Variants in PPP2CB observed in about 807,000 individuals in gnomAD.
PPP2CB encodes the protein protein phosphatase 2 catalytic subunit beta.
PPP2CB carries 18 observed loss-of-function variants against 39.1 expected under a neutral mutation model. That is an observed-to-expected ratio of 0.46 (90% confidence interval 0.32 to 0.68). The LOEUF (loss-of-function observed/expected upper bound fraction) is 0.68. Among genes scored for constraint, PPP2CB ranks in the 30% least tolerant of loss-of-function variants. The probability of loss-of-function intolerance (pLI) is 0.04; values close to 1 mark genes in which losing one functional copy is unlikely to be tolerated. For missense variants in PPP2CB, 226 were observed against 396.9 expected, an observed-to-expected ratio of 0.57 and a Z score of 3.66; for synonymous variants, 129 against 133.8, an observed-to-expected ratio of 0.96 and a Z score of 0.25.
intron 5 of PPP2CB, chr8:30,793,682 AG>A: frequency 2.5e-6 from 1 of 399,780 alleles, no homozygotes; most frequent in Non-Finnish European, 4.5e-6. Flanking sequence ...TGAAGCATAC[AG>A]GGAATTATGG....
At chr8:30,796,263 G>A (rs1806523931) in intron 3 of PPP2CB, among the ~76,000 whole-genome samples, 1 of 152,102 alleles carries the variant, frequency 6.6e-6, no homozygotes, top group Non-Finnish European at 1.5e-5. Context: ...GATTACACAG[G>A]GAAAGTTATA....
At position 30,799,456 on chromosome 8, in the gene PPP2CB, G is replaced by C. The variant is rs1806581994; in HGVS notation, c.312+90C>G. 6.6e-6 allele frequency: 7 copies of C among 1,068,558 alleles called. No homozygotes were observed. The South Asian group carries it at 1.0e-4, about 16-fold the overall frequency. 66.2% of individuals were successfully genotyped at this position (1,068,558 alleles called of 1,614,324 possible). On this transcript the variant is annotated intron_variant, in intron 2 of 6. Coordinates refer to ENST00000221138, the MANE Select transcript of PPP2CB (RefSeq NM_001009552.2). ...ATTTTAAGGGGCTATAAACTGAACA[G>C]ACCATAAAACAGATGATATGCAATA... is the stretch of plus-strand genomic sequence containing the variant.
intron 1 of PPP2CB, 146 bp downstream of exon 1, chr8:30,812,174 C>G (rs769169254): frequency 2.4e-6 from 1 of 420,856 alleles, no homozygotes; most frequent in Non-Finnish European, 3.7e-6. Flanking sequence ...GGCCGGCCGC[C>G]TAGGTGGACG....
chr8:30,791,362 T>C (rs754990756), intron 5 of PPP2CB, 47 bp from the exon 6 acceptor site: 2 of 1,374,886 alleles, frequency 1.5e-6, no homozygotes, highest in East Asian at 2.3e-5. Context: ...TATTATGATT[T>C]TGACACAGAC....
chr8:30,796,893 T>A lies in PPP2CB; in HGVS notation c.486+688A>T, dbSNP rs372214112. Among the ~76,000 whole-genome samples, 5 of 152,348 alleles carry A rather than the reference T, an allele frequency of 3.3e-5. No individual in the cohort carries two copies. The East Asian group carries it at 7.7e-4, about 24-fold the overall frequency. On this transcript the variant is annotated intron_variant, in intron 3 of 6. Coordinates refer to ENST00000221138, the MANE Select transcript of PPP2CB (RefSeq NM_001009552.2). ...GATGGGGTTTTGCTGTTGCCCAGGC[T>A]GAAGCCCAGGCTGGATCACGGCTCA...
At position 30,797,643 on chromosome 8, in the gene PPP2CB, C is replaced by T. The variant is rs181217345; in HGVS notation, c.424G>A (p.Val142Ile). 3.2e-5 allele frequency: 51 copies of T among 1,613,918 alleles called. No homozygotes were observed. Among genetic ancestry groups the T allele is most frequent in the Non-Finnish European group, 3.7e-5 (44 of 1,179,864 alleles). ...ECLRKYGNAN[V>I]WKYFTDLFDY... Reference sequence around the variant, plus strand: ...AAGAGATCTGTAAAATATTTCCAAACGTTGGCATTCCCATACTTTCGCAGA... The same window carrying T: ...AAGAGATCTGTAAAATATTTCCAAATGTTGGCATTCCCATACTTTCGCAGA... Residue 142 changes from valine (V) to isoleucine (I), a missense_variant, in exon 3 of 7, where the codon GTT becomes ATT. By Grantham distance (29) the Val-to-Ile change is conservative. Around this residue, in one of 4 missense-constraint regions of PPP2CB, gnomAD observed 110 missense variants for 244.1 expected, o/e 0.45. Coordinates refer to ENST00000221138, the MANE Select transcript of PPP2CB (RefSeq NM_001009552.2).
Position 30,812,726 on chromosome 8 carries a change from G to A in PPP2CB, c.-305C>T, listed in dbSNP as rs947412036. 2.2e-6 allele frequency: 1 copy of A among 462,016 alleles called. No individual in the cohort carries two copies. The allele number at this position is 462,016 out of a possible 1,614,324, so 28.6% of individuals were successfully genotyped here. The stretch of plus-strand genomic sequence containing the variant: ...GCCGGGGAGCGCGGCGCGGGTCCTC[G>A]GCCTAGCTCTCGCCGGACGAAGGCC... On this transcript the variant is annotated 5_prime_UTR_variant, in exon 1 of 7. Coordinates refer to ENST00000221138, the MANE Select transcript of PPP2CB (RefSeq NM_001009552.2).
At chr8:30,787,196 T>C (rs1219414999) in intron 6 of PPP2CB, among the ~76,000 whole-genome samples, 2 of 152,190 alleles carry the variant, frequency 1.3e-5, no homozygotes, top group African/African-American at 4.8e-5. Context: ...TGTTGGAAAA[T>C]TTTATATCTG....
chr8:30,807,644 T>A lies in PPP2CB; in HGVS notation c.102+4676A>T, dbSNP rs564261867. On this transcript the variant is annotated intron_variant, in intron 1 of 6. Coordinates refer to ENST00000221138, the MANE Select transcript of PPP2CB (RefSeq NM_001009552.2). ...AATCATCACCAAGGTTCTTCAGTTA[T>A]AAAATTTAACAGGTCAAAGAGCTTA... is the stretch of plus-strand genomic sequence containing the variant. Among the ~76,000 whole-genome samples the A allele has an allele frequency of 9.2e-5, 14 of 152,366 alleles. No homozygotes were observed. The South Asian group carries it at 2.9e-3, about 32-fold the overall frequency.
At chr8:30,808,917 A>G (rs1262720422) in intron 1 of PPP2CB, among the ~76,000 whole-genome samples, 3 of 140,604 alleles carry the variant, frequency 2.1e-5, no homozygotes, top group African/African-American at 5.4e-5. Flanking sequence ...AGGACTTTAC[A>G]TGGCCTTTTT....
At chr8:30,805,496 C>G (rs1304218391) in intron 1 of PPP2CB, among the ~76,000 whole-genome samples, 1 of 152,026 alleles carries the variant, frequency 6.6e-6, no homozygotes, top group Admixed American at 6.6e-5. Context: ...GTAGGCGGAG[C>G]TTGCAGTGAA....
At chr8:30,801,135 G>C (rs1032659171) in intron 1 of PPP2CB, among the ~76,000 whole-genome samples, 1 of 151,994 alleles carries the variant, frequency 6.6e-6, no homozygotes, top group African/African-American at 2.4e-5. Flanking sequence ...GACAGCTTGA[G>C]CTGGGGAGTT....
chr8:30,792,677 A>G (rs1333188801), intron 5 of PPP2CB, among the ~76,000 whole-genome samples: 2 of 151,480 alleles, frequency 1.3e-5, no homozygotes, highest in East Asian at 3.9e-4. Flanking sequence ...GCTGGTCTGA[A>G]ACTCCAAGAC....
intron 1 of PPP2CB, among the ~76,000 whole-genome samples, chr8:30,808,354 C>T (rs1806760289): frequency 6.6e-6 from 1 of 152,124 alleles, no homozygotes. Context: ...CCACCTCGAC[C>T]TCCCAAAGTG....
At chr8:30,806,375 A>G (rs1192877502) in intron 1 of PPP2CB, among the ~76,000 whole-genome samples, 2 of 152,120 alleles carry the variant, frequency 1.3e-5, no homozygotes, top group South Asian at 2.1e-4. Flanking sequence ...TATTAATGAA[A>G]TTTAGAGTTG....
chr8:30,794,974 G>A (rs776244060), intron 3 of PPP2CB, among the ~76,000 whole-genome samples: 1 of 151,898 alleles, frequency 6.6e-6, no homozygotes, highest in Non-Finnish European at 1.5e-5. Flanking sequence ...TAGTGCATTG[G>A]CCAGGACTTC....
intron 1 of PPP2CB, among the ~76,000 whole-genome samples, chr8:30,806,520 CAAT>C (rs1806728793): frequency 6.6e-6 from 1 of 152,084 alleles, no homozygotes; most frequent in South Asian, 2.1e-4. Flanking sequence ...CAGTTCAAAA[CAAT>C]AAAAAATTTC....
Position 30,793,938 on chromosome 8 carries a change from A to T in PPP2CB, c.717T>A (p.Arg239=). 6.2e-7 allele frequency: 1 copy of T among 1,613,220 alleles called. No homozygotes were observed. Among genetic ancestry groups the T allele is most frequent in the Non-Finnish European group, 8.5e-7 (1 of 1,179,826 alleles). The part of the protein sequence containing the change: ...NHANGLTLVS[R]AHQLVMEGYN... ...ATACCTCCATTACAAGCTGGTGGGC[A>T]CGAGAAACCAGTGTGAGACCATTGG... The change falls in exon 5 of 7, where the codon CGT becomes CGA. Residue 239 remains arginine, a synonymous_variant. Coordinates refer to ENST00000221138, the MANE Select transcript of PPP2CB (RefSeq NM_001009552.2).
chr8:30,799,227 T>C (rs758775254), intron 2 of PPP2CB, among the ~76,000 whole-genome samples: 4 of 152,000 alleles, frequency 2.6e-5, no homozygotes, highest in Admixed American at 1.3e-4. Flanking sequence ...TGTGTGAAAA[T>C]AGAAAGAGAC....
Sources: gnomAD v4.1 joint callset for allele counts (sites outside exome capture counted in the v4.1 genomes callset) on GRCh38, gnomAD v4.1.1 for gene constraint, gnomAD v4.1.1 regional missense constraint, MANE v1.5 for transcripts, NCBI Gene and HGNC (gene_info 2026-07-23, HGNC 2026-07-21) for gene names.